PREX1: variants seen among roughly 807,000 people sequenced by gnomAD.
PREX1 encodes the protein phosphatidylinositol 3,4,5-trisphosphate-dependent Rac exchanger 1 protein.
Under a neutral mutation model 198.3 loss-of-function variants are expected in PREX1, and 41 were observed. The ratio of observed to expected loss-of-function variants is 0.21; its 90% CI spans 0.16 to 0.27. PREX1 has a LOEUF of 0.27. Among genes scored for constraint, PREX1 ranks in the 10% least tolerant of loss-of-function variants. The probability of loss-of-function intolerance (pLI) is 1.00; values close to 1 mark genes in which losing one functional copy is unlikely to be tolerated. For missense variants in PREX1, 1,620 were observed against 2,200.7 expected (o/e 0.74, Z 5.28); for synonymous variants, 843 against 887.2 (o/e 0.95, Z 0.89).
chr20:48,670,408 G>A (rs906539832), intron 14 of PREX1, among the ~76,000 whole-genome samples: 4 of 151,968 alleles, frequency 2.6e-5, no homozygotes, highest in Admixed American at 2.6e-4. Flanking sequence ...GAGCCAGCAT[G>A]GGAGCATGCA....
chr20:48,765,466 A>G (rs1242469759), intron 1 of PREX1, among the ~76,000 whole-genome samples: 3 of 152,240 alleles, frequency 2.0e-5, no homozygotes, highest in Admixed American at 2.0e-4. Flanking sequence ...TGTCAGAACT[A>G]GATAATGCCT....
chr20:48,658,249 G>C (rs1697367005), intron 16 of PREX1, 21 bp from the exon 17 acceptor site: 1 of 1,612,390 alleles, frequency 6.2e-7, no homozygotes, highest in Non-Finnish European at 8.5e-7. Context: ...AGGGCAGAAG[G>C]AACCCGGTCA....
chr20:48,726,317 C>T lies in PREX1; in HGVS notation c.594G>A (p.Arg198=), dbSNP rs769117148. The change falls in exon 5 of 40, where the codon AGG becomes AGA. Residue 198 remains arginine (R), a synonymous_variant. Transcript: ENST00000371941. ...LEGYLLSPIQ[R]ICKYPLLLKE... ...TAAGGAGGAGCGGGTACTTGCAGAT[C>T]CTCTGGATCGGAGACAACAGGTAGC... The T allele has an allele frequency of 1.2e-6, 2 of 1,613,872 alleles. No homozygotes were observed. Among genetic ancestry groups the T allele is most frequent in the Non-Finnish European group, 1.7e-6 (2 of 1,179,936 alleles).
At chr20:48,826,875 A>T (rs986431645) in intron 1 of PREX1, among the ~76,000 whole-genome samples, 3 of 152,164 alleles carry the variant, frequency 2.0e-5, no homozygotes, top group Admixed American at 6.5e-5. Context: ...AAATTTTTTT[A>T]ATTAAAAATG....
intron 25 of PREX1, among the ~76,000 whole-genome samples, chr20:48,648,685 C>T (rs993059220): frequency 6.6e-6 from 1 of 152,264 alleles, no homozygotes; most frequent in Non-Finnish European, 1.5e-5. Flanking sequence ...CTGGCAGGTC[C>T]GTCTCTTGAG....
intron 32 of PREX1, 67 bp downstream of exon 32, chr20:48,636,396 T>C (rs1380502610): frequency 1.8e-5 from 26 of 1,483,482 alleles, no homozygotes; most frequent in East Asian, 2.4e-5. Flanking sequence ...AAGGGCTCCC[T>C]CGACCCGGCC....
upstream of PREX1, among the ~76,000 whole-genome samples, chr20:48,828,686 TTTCC>T (rs2090525224): frequency 2.0e-5 from 3 of 152,212 alleles, no homozygotes; most frequent in Admixed American, 6.5e-5. Context: ...CATCTCTCTC[TTTCC>T]TTCCTTCCTT....
intron 7 of PREX1, among the ~76,000 whole-genome samples, chr20:48,695,683 T>G (rs2089841914): frequency 6.6e-6 from 1 of 152,262 alleles, no homozygotes; most frequent in South Asian, 2.1e-4. Context: ...AACCACTGTA[T>G]GTTTATTGGC....
At chr20:48,754,372 G>T (rs1005525639) in intron 1 of PREX1, among the ~76,000 whole-genome samples, 9 of 151,908 alleles carry the variant, frequency 5.9e-5, no homozygotes, top group Non-Finnish European at 1.3e-4. Context: ...TCTCCATCAC[G>T]CGCCATCAGT....
chr20:48,725,568 A>ACC (rs2090006097), intron 5 of PREX1, among the ~76,000 whole-genome samples: 1 of 152,280 alleles, frequency 6.6e-6, no homozygotes, highest in South Asian at 2.1e-4. Flanking sequence ...GCCTGCCCTC[A>ACC]CCCTGCCTTC....
chr20:48,761,231 G>A (rs1006722437), intron 1 of PREX1, among the ~76,000 whole-genome samples: 2 of 152,214 alleles, frequency 1.3e-5, no homozygotes, highest in Non-Finnish European at 2.9e-5. Flanking sequence ...CAATCCTATC[G>A]AAAACGTCTA....
chr20:48,740,072 G>T (rs1387588011), intron 3 of PREX1, among the ~76,000 whole-genome samples: 1 of 152,214 alleles, frequency 6.6e-6, no homozygotes, highest in African/African-American at 2.4e-5. Context: ...ACACTAGCGG[G>T]CTGGACTGTG....
At chr20:48,641,306 A>G (rs1192423179) in intron 29 of PREX1, among the ~76,000 whole-genome samples, 1 of 152,146 alleles carries the variant, frequency 6.6e-6, no homozygotes, top group South Asian at 2.1e-4. Flanking sequence ...GTATAATGAT[A>G]TTTCGTTGCC....
intron 27 of PREX1, among the ~76,000 whole-genome samples, chr20:48,643,204 G>C (rs189620016): frequency 6.6e-6 from 1 of 152,328 alleles, no homozygotes; most frequent in Admixed American, 6.5e-5. Context: ...CAGGCTTTCA[G>C]TAACGCCTTT....
chr20:48,860,611 C>T, the PREX1 span, among the ~76,000 whole-genome samples: 4 of 152,044 alleles, frequency 2.6e-5, no homozygotes, highest in South Asian at 2.1e-4. Context: ...GACCCCGAGG[C>T]GGGTGGATCA....
chr20:48,767,396 G>C (rs2090213648), intron 1 of PREX1, among the ~76,000 whole-genome samples: 1 of 152,140 alleles, frequency 6.6e-6, no homozygotes, highest in Non-Finnish European at 1.5e-5. Flanking sequence ...CCTCAAACGA[G>C]GGCCCTGAAG....
At chr20:48,884,508 TA>T in the PREX1 span, among the ~76,000 whole-genome samples, 1 of 152,180 alleles carries the variant, frequency 6.6e-6, no homozygotes, top group Non-Finnish European at 1.5e-5. Context: ...ATGCAAACAA[TA>T]ACTAAAAGTG....
intron 11 of PREX1, 90 bp downstream of exon 11, chr20:48,681,145 A>C: frequency 9.0e-7 from 1 of 1,105,414 alleles, no homozygotes; most frequent in Admixed American, 1.8e-5. Flanking sequence ...ACGAAAGGAT[A>C]GGAGCTGCCT....
At position 48,684,687 on chromosome 20, in the gene PREX1, T is replaced by C. The variant is rs1312510999; in HGVS notation, c.1335-3352A>G. Among the ~76,000 whole-genome samples, 1 of 152,094 alleles carries C rather than the reference T, an allele frequency of 6.6e-6. No individual in the cohort carries two copies. Among genetic ancestry groups the C allele is most frequent in the Non-Finnish European group, 1.5e-5 (1 of 68,012 alleles). ...GATCTGGATCCTCATCTCACTCCAC[T>C]ACCGAGACTCCTCCAGTGGCTTCCC... is the stretch of plus-strand genomic sequence containing the variant. On this transcript the variant is annotated intron_variant, in intron 10 of 39. Transcript: ENST00000371941. This position sits in a 1 kb window ranked among gnomAD's most constrained non-coding sequence, Gnocchi z 4.2.
Sources: gnomAD v4.1 joint callset for allele counts (sites outside exome capture counted in the v4.1 genomes callset) on GRCh38, gnomAD v4.1.1 for gene constraint, Gnocchi (gnomAD v3.1) non-coding constraint, MANE v1.5 for transcripts, NCBI Gene and HGNC (gene_info 2026-07-23, HGNC 2026-07-21) for gene names.